Variants in TSPAN1 observed in about 807,000 individuals in gnomAD.
TSPAN1 encodes the protein tetraspanin 1.
Under a neutral mutation model 26.9 loss-of-function variants are expected in TSPAN1, and 23 were observed. The observed-to-expected ratio is 0.85, with a 90% CI of 0.62 to 1.21. The LOEUF (loss-of-function observed/expected upper bound fraction) is 1.21. Ranked by LOEUF, TSPAN1 falls within the 50% of genes most tolerant of loss-of-function variation. TSPAN1 has a pLI of 0.00. For synonymous variants in TSPAN1, 115 were observed against 114.8 expected (o/e 1.00, Z -0.01); for missense variants, 283 against 298.4 (o/e 0.95, Z 0.38).
rs1375200273 is a variant in TSPAN1, at chr1:46,184,342, T to TTGGTTTCCTGGGCTGCTATGG, written c.212_232dup (p.Gly71_Gly77dup). 1 of 1,614,072 alleles carries TTGGTTTCCTGGGCTGCTATGG rather than the reference T, an allele frequency of 6.2e-7. No homozygotes were observed. Among genetic ancestry groups the TTGGTTTCCTGGGCTGCTATGG allele is most frequent in the Non-Finnish European group, 8.5e-7 (1 of 1,180,046 alleles). On this transcript the variant is annotated inframe_insertion, in exon 4 of 9. Coordinates refer to ENST00000372003, the MANE Select transcript of TSPAN1 (RefSeq NM_005727.4). ...GCAGCCGGCGTTGTGGTCTTTGCTCTTGGTTTCCTGGGCTGCTATGGTGCT... is the reference window on the plus strand; with the variant it reads ...GCAGCCGGCGTTGTGGTCTTTGCTCTTGGTTTCCTGGGCTGCTATGGTGGTTTCCTGGGCTGCTATGGTGCT...
At chr1:46,175,907 C>G in intron 1 of TSPAN1, 1 of 425,592 alleles carries the variant, frequency 2.3e-6, no homozygotes, top group Non-Finnish European at 4.1e-6. Flanking sequence ...GAGTCTAGCT[C>G]TGTCACCCAG....
At position 46,185,602 on chromosome 1, in the gene TSPAN1, G is replaced by A. The variant is rs1419987103; in HGVS notation, c.*69G>A. On this transcript the variant is annotated 3_prime_UTR_variant, in exon 9 of 9. Coordinates refer to ENST00000372003, the MANE Select transcript of TSPAN1 (RefSeq NM_005727.4). ...TGAAGAGGCACCCTGGCAAGCAGCA[G>A]TGATTGGGGGAGGGGACAGGATCTA... 6.5e-7 allele frequency: 1 copy of A among 1,548,344 alleles called. No individual in the cohort carries two copies. The highest frequency in any genetic ancestry group is 8.9e-7 in the Non-Finnish European group (1 of 1,123,566).
chr1:46,184,913 GGA>G, intron 6 of TSPAN1, 30 bp downstream of exon 6: 2 of 1,614,074 alleles, frequency 1.2e-6, no homozygotes, highest in South Asian at 1.1e-5. Context: ...GTTTTAGGGT[GGA>G]GAGAAAGAAG....
chr1:46,194,687 A>G, the TSPAN1 span: 997 of 1,614,254 alleles, frequency 6.2e-4, 1 homozygote, highest in Middle Eastern at 3.6e-3. Context: ...ATGGGGGCCC[A>G]GACACCAGTT....
At chr1:46,181,271 C>A in intron 3 of TSPAN1, 107 bp downstream of exon 3, 1 of 1,100,096 alleles carries the variant, frequency 9.1e-7, no homozygotes, top group Non-Finnish European at 1.3e-6. Flanking sequence ...AGGCTTCGTC[C>A]TGCATGTGTC....
the TSPAN1 span, chr1:46,195,823 G>T: frequency 8.1e-6 from 13 of 1,596,008 alleles, no homozygotes; most frequent in Non-Finnish European, 1.1e-5. Context: ...TGACAGTGCA[G>T]ATGAGCACTC....
At chr1:46,178,416 C>T (rs1357195012) in intron 1 of TSPAN1, among the ~76,000 whole-genome samples, 1 of 151,276 alleles carries the variant, frequency 6.6e-6, no homozygotes, top group African/African-American at 2.4e-5. Context: ...CTTCCTTTCC[C>T]CCTTACTCTG....
chr1:46,184,142 A>G, intron 3 of TSPAN1, 49 bp from the exon 4 acceptor site: 2 of 1,595,516 alleles, frequency 1.3e-6, no homozygotes, highest in South Asian at 1.1e-5. Context: ...TGTGGTAGTA[A>G]GCTACTTGCC....
At chr1:46,195,617 G>C in the TSPAN1 span, 3 of 664,748 alleles carry the variant, frequency 4.5e-6, no homozygotes, top group Non-Finnish European at 8.2e-6. Flanking sequence ...AGCACCCAGA[G>C]AAGTACCTGG....
At chr1:46,186,472 C>CTT (rs1261818036), downstream of TSPAN1, among the ~76,000 whole-genome samples, 1 of 149,424 alleles carries the variant, frequency 6.7e-6, no homozygotes, top group East Asian at 2.0e-4. Flanking sequence ...GACCTCACCT[C>CTT]TTTTTCTTTT....
rs759406718 is a variant in TSPAN1 at position 46,181,173 on chromosome 1, G to A, written c.57+9G>A. The A allele has an allele frequency of 7.4e-6, 12 of 1,611,168 alleles. No individual in the cohort carries two copies. Among genetic ancestry groups the A allele is most frequent in the East Asian group, 4.5e-5 (2 of 44,810 alleles). On this transcript the variant is annotated intron_variant, in intron 3 of 8. Coordinates refer to ENST00000372003, the MANE Select transcript of TSPAN1 (RefSeq NM_005727.4). ...TCAATTTGCTCATCTTTGTAAGTAC[G>A]GACATTGTGGACTCTTTGGGGCTCC...
downstream of TSPAN1, among the ~76,000 whole-genome samples, chr1:46,187,794 G>A (rs998624190): frequency 2.6e-5 from 4 of 152,178 alleles, no homozygotes; most frequent in African/African-American, 4.8e-5. Flanking sequence ...CACTGAAGGC[G>A]TCAGGGTGGC....
At position 46,185,108 on chromosome 1, in the gene TSPAN1, A is replaced by C. The variant is rs966873596; in HGVS notation, c.587A>C (p.Lys196Thr). The C allele has an allele frequency of 9.3e-6, 15 of 1,614,106 alleles. No homozygotes were observed. Among genetic ancestry groups the C allele is most frequent in the Non-Finnish European group, 1.3e-5 (15 of 1,180,006 alleles). The change falls in exon 7 of 9, where the codon AAA (lysine) becomes ACA (threonine). Residue 196 changes from lysine to threonine, a missense_variant. Physicochemically the swap from Lys to Thr is moderately conservative, Grantham distance 78. Transcript: ENST00000372003. ...ACCAAGCAAAAGGCTCACGACCAAA[A>C]AGTAGAGGTGTGGGCTGGCATGAGT... Reference protein sequence around the residue: ...TCTKQKAHDQKVEGCFNQLLY... With the variant: ...TCTKQKAHDQTVEGCFNQLLY...
chr1:46,180,860 G>C (rs536390177), intron 2 of TSPAN1, among the ~76,000 whole-genome samples: 9 of 152,162 alleles, frequency 5.9e-5, no homozygotes, highest in Admixed American at 1.3e-4. Context: ...GGAGGAACCT[G>C]GGGTGTTAGG....
At position 46,185,530 on chromosome 1, in the gene TSPAN1, A is replaced by T; in HGVS notation, c.723A>T (p.Gln241His). ...IVSMYLYCNL[Q>H] ...CCATGTATCTGTACTGCAATCTACA[A>T]TAAGTCCACTTCTGCCTCTGCCACT... Residue 241 changes from glutamine (Q) to histidine (H), a missense_variant, in exon 9 of 9, where the codon CAA becomes CAT. Coordinates refer to ENST00000372003, the MANE Select transcript of TSPAN1 (RefSeq NM_005727.4). 6.2e-7 allele frequency: 1 copy of T among 1,614,182 alleles called. No homozygotes were observed. The highest frequency in any genetic ancestry group is 1.1e-5 in the South Asian group (1 of 91,080).
chr1:46,194,130 C>G, the TSPAN1 span: 8 of 1,546,942 alleles, frequency 5.2e-6, no homozygotes, highest in African/African-American at 9.5e-5. Context: ...TTCACCCCAG[C>G]CCTGTCTTTC....
chr1:46,187,237 G>C (rs574993081), downstream of TSPAN1, among the ~76,000 whole-genome samples: 13 of 152,310 alleles, frequency 8.5e-5, no homozygotes, highest in Admixed American at 2.0e-4. Flanking sequence ...TTTGGGCCCA[G>C]AACTCCAGCA....
intron 6 of TSPAN1, 22 bp from the exon 7 acceptor site, chr1:46,184,938 T>C: frequency 6.2e-7 from 1 of 1,614,132 alleles, no homozygotes; most frequent in African/African-American, 1.3e-5. Flanking sequence ...AGGCCCCACC[T>C]CCACCCTCAT....
chr1:46,194,015 G>A, the TSPAN1 span: 2 of 1,580,744 alleles, frequency 1.3e-6, no homozygotes, highest in South Asian at 2.3e-5. Flanking sequence ...GAGGGTAGGT[G>A]CAGACTGGAG....
Sources: allele counts gnomAD v4.1 joint callset (sites outside exome capture counted in the v4.1 genomes callset), GRCh38; gene constraint gnomAD v4.1.1; transcripts MANE v1.5; gene names NCBI Gene and HGNC (gene_info 2026-07-23, HGNC 2026-07-21).